Variants in FHIT observed in about 807,000 individuals in gnomAD.
The protein encoded by FHIT is bis(5'-adenosyl)-triphosphatase.
In FHIT, 19 loss-of-function variants were observed where a neutral mutation model predicts 17.9. The observed-to-expected ratio is 1.06, with a 90% CI of 0.74 to 1.56. The LOEUF is 1.56. FHIT is among the 40% of genes most tolerant of loss of function. The pLI, the probability that FHIT is intolerant of heterozygous loss-of-function variation, is 0.00. For synonymous variants in FHIT, 81 were observed against 69.7 expected, an observed-to-expected ratio of 1.16 and a Z score of -0.81; for missense variants, 248 against 189.2, an observed-to-expected ratio of 1.31 and a Z score of -1.82.
chr3:59,960,443 A>G (rs778131340), intron 7 of FHIT, among the ~76,000 whole-genome samples: 15 of 152,210 alleles, frequency 9.9e-5, no homozygotes, highest in Non-Finnish European at 2.1e-4. Flanking sequence ...ACTGGCTGGC[A>G]ACTTCACAAG....
At position 59,902,263 on chromosome 3, in the gene FHIT, C is replaced by T. The variant is rs111795994; in HGVS notation, c.348+20083G>A. 2.7e-3 allele frequency among the ~76,000 whole-genome samples: 411 copies of T among 152,136 alleles called. 2 individuals carry two copies. The highest frequency in any genetic ancestry group is 7.0e-3 in the Admixed American group (107 of 15,284). ...AACCACAGTGAGGTATCATCTCACA[C>T]GTGTTAGGATGGCCATTATCAAAAA... On this transcript the variant is annotated intron_variant, in intron 8 of 9. Coordinates refer to ENST00000492590, the MANE Select transcript of FHIT (RefSeq NM_002012.4).
At chr3:61,183,272 A>T (rs2038399744) in intron 2 of FHIT, among the ~76,000 whole-genome samples, 1 of 151,456 alleles carries the variant, frequency 6.6e-6, no homozygotes, top group Admixed American at 6.6e-5. Context: ...CAAGTGCCCA[A>T]TTTATAGAAA....
chr3:59,971,833 A>G lies in FHIT; in HGVS notation c.279+39538T>C, dbSNP rs117389161. Among the ~76,000 whole-genome samples the G allele has an allele frequency of 5.1e-4, 78 of 152,286 alleles. 3 individuals carry two copies. In the East Asian group the frequency reaches 0.014, roughly 28 times the overall value. On this transcript the variant is annotated intron_variant, in intron 7 of 9. Coordinates refer to ENST00000492590, the MANE Select transcript of FHIT (RefSeq NM_002012.4). ...ATTTCAAGGGTCACTGTGCAGATGAAACGAGTTACCACAGGGTGTGGCATA... is the reference window on the plus strand; with the variant it reads ...ATTTCAAGGGTCACTGTGCAGATGAGACGAGTTACCACAGGGTGTGGCATA...
chr3:60,487,028 A>G (rs1576743622), intron 5 of FHIT, among the ~76,000 whole-genome samples: 1 of 152,338 alleles, frequency 6.6e-6, no homozygotes. Flanking sequence ...TGTAGGATAC[A>G]TAAGAACTAA....
rs143035513 is a variant in FHIT at position 61,128,150 on chromosome 3, G to T, written c.-164+72467C>A. ...AGTAAACAAAGTTATTTAGTGCAAG[G>T]ACAACATAAACAATAATGAAAAAAG... On this transcript the variant is annotated intron_variant, in intron 2 of 9. Coordinates refer to ENST00000492590, the MANE Select transcript of FHIT (RefSeq NM_002012.4). 3.7e-4 allele frequency among the ~76,000 whole-genome samples: 57 copies of T among 152,106 alleles called. 2 individuals are homozygous for T. The East Asian group carries it at 0.01, about 27-fold the overall frequency.
At chr3:60,533,720 T>C (rs2035872186) in intron 5 of FHIT, among the ~76,000 whole-genome samples, 1 of 152,022 alleles carries the variant, frequency 6.6e-6, no homozygotes, top group East Asian at 1.9e-4. Context: ...AAAGGGATAG[T>C]ACAACACATA....
intron 5 of FHIT, among the ~76,000 whole-genome samples, chr3:60,133,027 TAC>T (rs1307845875): frequency 6.6e-6 from 1 of 152,140 alleles, no homozygotes; most frequent in Non-Finnish European, 1.5e-5. Flanking sequence ...GCAGTGACTG[TAC>T]ACCTACCGAA....
intron 5 of FHIT, among the ~76,000 whole-genome samples, chr3:60,488,272 T>C (rs542906647): frequency 2.1e-4 from 32 of 152,330 alleles, no homozygotes; most frequent in Non-Finnish European, 4.1e-4. Flanking sequence ...GCCCCTGTTA[T>C]GTTCCTAGTG....
intron 7 of FHIT, among the ~76,000 whole-genome samples, chr3:59,970,997 C>G (rs2107384309): frequency 6.6e-6 from 1 of 152,006 alleles, no homozygotes; most frequent in East Asian, 1.9e-4. Context: ...TATGTGTGGA[C>G]TTGTCAGCAG....
chr3:60,777,242 C>A (rs1476173003), intron 4 of FHIT, among the ~76,000 whole-genome samples: 1 of 152,094 alleles, frequency 6.6e-6, no homozygotes, highest in Non-Finnish European at 1.5e-5. Flanking sequence ...AACATGTGCC[C>A]AAGGTGGTCA....
chr3:60,124,033 GAGAGAGAGAGAGAGAGAGAGAGAC>G lies in FHIT; in HGVS notation c.104-109905_104-109882del, dbSNP rs547954173. Among the ~76,000 whole-genome samples, 29 of 113,612 alleles carry G rather than the reference GAGAGAGAGAGAGAGAGAGAGAGAC, an allele frequency of 2.6e-4. 1 individual carries two copies. Among genetic ancestry groups the G allele is most frequent in the South Asian group, 6.5e-4 (2 of 3,062 alleles). 74.5% of individuals were successfully genotyped at this position (113,612 alleles called of 152,430 possible). ...ATAGAGAGAGAGAGAGAGAGAGAGAGAGAGAGAGAGAGAGAGAGAGAGACAGAGAGAGAGAGAGATACAAAGTCT... is the reference window on the plus strand; with the variant it reads ...ATAGAGAGAGAGAGAGAGAGAGAGAGAGAGAGAGAGAGAGATACAAAGTCT... On this transcript the variant is annotated intron_variant, in intron 5 of 9. Transcript: ENST00000492590.
intron 5 of FHIT, among the ~76,000 whole-genome samples, chr3:60,200,270 T>C (rs996830964): frequency 1.3e-5 from 2 of 152,160 alleles, no homozygotes; most frequent in African/African-American, 4.8e-5. Flanking sequence ...TCAATTTCCC[T>C]TCTCTGCATC....
Position 60,255,693 on chromosome 3 carries a change from A to G in FHIT, c.104-241541T>C, listed in dbSNP as rs189314121. Among the ~76,000 whole-genome samples, 76 of 152,282 alleles carry G rather than the reference A, an allele frequency of 5.0e-4. 1 individual carries two copies. The highest frequency in any genetic ancestry group is 7.9e-4 in the Non-Finnish European group (54 of 68,022). On this transcript the variant is annotated intron_variant, in intron 5 of 9. Coordinates refer to ENST00000492590, the MANE Select transcript of FHIT (RefSeq NM_002012.4). ...TAAAATAAAAAGAAATGAGGACTAAAGAAAACAGTCAGTGGCCTCCAGGAG... is the reference window on the plus strand; with the variant it reads ...TAAAATAAAAAGAAATGAGGACTAAGGAAAACAGTCAGTGGCCTCCAGGAG...
chr3:61,066,160 T>C (rs575958040), intron 2 of FHIT, among the ~76,000 whole-genome samples: 68 of 152,272 alleles, frequency 4.5e-4, no homozygotes, highest in African/African-American at 1.6e-3. Flanking sequence ...AGTGAACCCA[T>C]TAACATAATA....
chr3:60,320,756 G>C (rs1323922084), intron 5 of FHIT, among the ~76,000 whole-genome samples: 1 of 152,076 alleles, frequency 6.6e-6, no homozygotes, highest in African/African-American at 2.4e-5. Context: ...AGTAACATAA[G>C]AAAGATGGAT....
At chr3:59,987,032 AT>A (rs1709006336) in intron 7 of FHIT, among the ~76,000 whole-genome samples, 2 of 108,296 alleles carry the variant, frequency 1.8e-5, no homozygotes, top group South Asian at 5.8e-4. Flanking sequence ...AAAATATAAA[AT>A]ATATAAAATA....
intron 9 of FHIT, chr3:59,751,600 T>C: frequency 4.5e-6 from 1 of 223,154 alleles, no homozygotes; most frequent in Non-Finnish European, 8.9e-6. Flanking sequence ...TCTACCAGAG[T>C]CTTAAACCTA....
At chr3:61,166,139 TTATACTAAAA>T (rs1488814327) in intron 2 of FHIT, among the ~76,000 whole-genome samples, 9 of 152,144 alleles carry the variant, frequency 5.9e-5, no homozygotes, top group African/African-American at 2.2e-4. Flanking sequence ...TGTCAGTCAT[TTATACTAAAA>T]TATACTAACT....
At chr3:60,296,463 T>C (rs1363939177) in intron 5 of FHIT, among the ~76,000 whole-genome samples, 3 of 152,150 alleles carry the variant, frequency 2.0e-5, no homozygotes, top group Non-Finnish European at 4.4e-5. Context: ...ATCAGTTAAA[T>C]GGCTGTCCAT....
Sources: gnomAD v4.1 joint callset for allele counts (sites outside exome capture counted in the v4.1 genomes callset) on GRCh38, gnomAD v4.1.1 for gene constraint, MANE v1.5 for transcripts, NCBI Gene and HGNC (gene_info 2026-07-23, HGNC 2026-07-21) for gene names.